Variants in OPCML observed in about 807,000 individuals in gnomAD.
OPCML encodes opioid binding protein/cell adhesion molecule like.
In OPCML, 13 loss-of-function variants were observed where a neutral mutation model predicts 37.8. That is an observed-to-expected ratio of 0.34 (90% CI 0.22 to 0.55). The LOEUF (loss-of-function observed/expected upper bound fraction) is 0.55. Ranked by LOEUF, OPCML falls within the 20% of genes least tolerant of loss-of-function variation. The pLI, the probability that OPCML is intolerant of heterozygous loss-of-function variation, is 0.91. For missense variants in OPCML, 341 were observed against 435.6 expected (o/e 0.78, Z 1.93); for synonymous variants, 176 against 168.8 (o/e 1.04, Z -0.33).
chr11:133,296,529 G>A (rs1197710712), intron 1 of OPCML, among the ~76,000 whole-genome samples: 7 of 152,182 alleles, frequency 4.6e-5, no homozygotes, highest in East Asian at 1.9e-4. Flanking sequence ...TACCATAAGC[G>A]ATAGACACAA....
At chr11:133,198,873 A>C (rs1001063701) in intron 1 of OPCML, among the ~76,000 whole-genome samples, 4 of 152,204 alleles carry the variant, frequency 2.6e-5, no homozygotes, top group Non-Finnish European at 4.4e-5. Flanking sequence ...AATGAGCTGC[A>C]AGTTTTCTTC....
chr11:132,840,242 A>G (rs529355391), intron 2 of OPCML, among the ~76,000 whole-genome samples: 2 of 152,282 alleles, frequency 1.3e-5, no homozygotes, highest in South Asian at 4.2e-4. Context: ...TTTTTCAGAT[A>G]TGGCAAGTAG....
At chr11:132,782,911 G>C (rs1344711001) in intron 2 of OPCML, among the ~76,000 whole-genome samples, 1 of 87,078 alleles carries the variant, frequency 1.1e-5, no homozygotes, top group Non-Finnish European at 2.3e-5. Flanking sequence ...TATATATATA[G>C]TGTGTGTATA....
At chr11:133,182,863 C>T (rs895907962) in intron 1 of OPCML, among the ~76,000 whole-genome samples, 1 of 152,112 alleles carries the variant, frequency 6.6e-6, no homozygotes, top group African/African-American at 2.4e-5. Flanking sequence ...TGCCTGTTCT[C>T]TCAAAGAACA....
At chr11:133,140,539 A>AGAAGAAGAAGAAGAAGAAGAAGAG in intron 1 of OPCML, among the ~76,000 whole-genome samples, 1 of 128,422 alleles carries the variant, frequency 7.8e-6, no homozygotes, top group Non-Finnish European at 1.6e-5. Context: ...AATAAGAAGA[A>AGAAGAAGAAGAAGAAGAAGAAGAG]GAAGAAGAAG....
intron 2 of OPCML, among the ~76,000 whole-genome samples, chr11:132,887,092 T>C (rs1171447917): frequency 6.6e-6 from 1 of 152,180 alleles, no homozygotes; most frequent in Non-Finnish European, 1.5e-5. Context: ...TCATGCACCA[T>C]ATAACAACAT....
chr11:132,705,953 A>G (rs1451783740), intron 2 of OPCML, among the ~76,000 whole-genome samples: 1 of 152,062 alleles, frequency 6.6e-6, no homozygotes, highest in Non-Finnish European at 1.5e-5. Flanking sequence ...GATTACAGGC[A>G]TGCACCACCA....
chr11:133,391,728 A>C (rs751661517), intron 1 of OPCML, among the ~76,000 whole-genome samples: 6 of 152,230 alleles, frequency 3.9e-5, no homozygotes, highest in Non-Finnish European at 8.8e-5. Flanking sequence ...TAATATTAAA[A>C]ATTACAATAA....
At chr11:133,281,839 C>G (rs1182082778) in intron 1 of OPCML, among the ~76,000 whole-genome samples, 1 of 152,066 alleles carries the variant, frequency 6.6e-6, no homozygotes, top group Non-Finnish European at 1.5e-5. Context: ...AAAGGTCACC[C>G]TTGTTACACC....
At chr11:133,189,116 G>A (rs1565493614) in intron 1 of OPCML, among the ~76,000 whole-genome samples, 1 of 152,056 alleles carries the variant, frequency 6.6e-6, no homozygotes. Context: ...CCCAAATCAA[G>A]ACCTCATCCT....
Position 133,079,059 on chromosome 11 carries a change from C to T in OPCML, c.62-136049G>A, listed in dbSNP as rs142636083. On this transcript the variant is annotated intron_variant, in intron 1 of 7. Transcript: ENST00000524381. ...ATCCCCACCCCAATATTCCTTCCTC[C>T]CACCCAGTTCCTGCCGTGTCTCACC... is the stretch of plus-strand genomic sequence containing the variant. Among the ~76,000 whole-genome samples the T allele has an allele frequency of 3.8e-4, 58 of 152,238 alleles. No individual in the cohort carries two copies. The East Asian group carries it at 7.2e-3, about 19-fold the overall frequency.
intron 4 of OPCML, among the ~76,000 whole-genome samples, chr11:132,466,027 A>G (rs1331815114): frequency 6.6e-6 from 1 of 152,162 alleles, no homozygotes; most frequent in Non-Finnish European, 1.5e-5. Context: ...GAGCTCCACC[A>G]ATGCACACCT....
intron 1 of OPCML, among the ~76,000 whole-genome samples, chr11:133,032,266 G>T (rs1444908393): frequency 6.6e-6 from 1 of 152,102 alleles, no homozygotes; most frequent in Non-Finnish European, 1.5e-5. Flanking sequence ...CTCAAATCTG[G>T]CCAATCAGAC....
intron 3 of OPCML, among the ~76,000 whole-genome samples, chr11:132,559,206 G>A (rs1225135274): frequency 1.3e-5 from 2 of 152,060 alleles, no homozygotes; most frequent in Non-Finnish European, 1.5e-5. Flanking sequence ...AGGGAGGAAG[G>A]AGAACATGCA....
chr11:132,952,237 T>C (rs1396581439), intron 1 of OPCML, among the ~76,000 whole-genome samples: 5 of 152,148 alleles, frequency 3.3e-5, no homozygotes, highest in Admixed American at 1.3e-4. Context: ...CCTCTGGTCA[T>C]GGAGCTTTAG....
At chr11:132,819,147 G>A (rs573155175) in intron 2 of OPCML, among the ~76,000 whole-genome samples, 2 of 151,786 alleles carry the variant, frequency 1.3e-5, no homozygotes, top group South Asian at 4.2e-4. Flanking sequence ...CATACCAGAA[G>A]GAATAGGAGG....
intron 2 of OPCML, among the ~76,000 whole-genome samples, chr11:132,673,682 A>T (rs1942575769): frequency 6.6e-6 from 1 of 152,126 alleles, no homozygotes; most frequent in Non-Finnish European, 1.5e-5. Context: ...TGGAAACTAC[A>T]CTTCTGACAG....
intron 2 of OPCML, among the ~76,000 whole-genome samples, chr11:132,879,847 T>C (rs946065131): frequency 6.6e-6 from 1 of 152,168 alleles, no homozygotes; most frequent in Non-Finnish European, 1.5e-5. Flanking sequence ...ACAAAAAAAA[T>C]ACAAACAAAA....
At chr11:132,717,245 G>A (rs539984553) in intron 2 of OPCML, among the ~76,000 whole-genome samples, 11 of 152,052 alleles carry the variant, frequency 7.2e-5, no homozygotes, top group Non-Finnish European at 1.5e-4. Context: ...ATAATCTGAG[G>A]TGGGAATATA....
Sources: allele counts gnomAD v4.1 joint callset (sites outside exome capture counted in the v4.1 genomes callset), GRCh38; gene constraint gnomAD v4.1.1; transcripts MANE v1.5; gene names NCBI Gene and HGNC (gene_info 2026-07-23, HGNC 2026-07-21).